FGF12: variants seen among roughly 807,000 people sequenced by gnomAD.
The protein encoded by FGF12 is fibroblast growth factor 12B.
Under a neutral mutation model 23.6 loss-of-function variants are expected in FGF12, and 14 were observed. The observed-to-expected ratio is 0.59, with a 90% confidence interval of 0.39 to 0.93. The LOEUF (loss-of-function observed/expected upper bound fraction) is 0.93, where lower values mean the gene tolerates loss of function less well. Ranked by LOEUF, FGF12 falls within the 40% of genes least tolerant of loss-of-function variation. The probability of loss-of-function intolerance (pLI) is 0.00; values close to 1 mark genes in which losing one functional copy is unlikely to be tolerated. For missense variants in FGF12, 175 were observed against 217.8 expected (o/e 0.80, Z 1.24); for synonymous variants, 62 against 77.3 (o/e 0.80, Z 1.04).
At chr3:192,458,224 C>A (rs1397428383) in intron 2 of FGF12, among the ~76,000 whole-genome samples, 1 of 152,178 alleles carries the variant, frequency 6.6e-6, no homozygotes, top group Non-Finnish European at 1.5e-5. Context: ...GGAGTCCCCA[C>A]ACAGAGTCCC....
intron 2 of FGF12, among the ~76,000 whole-genome samples, chr3:192,650,095 A>G (rs1716162702): frequency 6.6e-6 from 1 of 152,220 alleles, no homozygotes; most frequent in Non-Finnish European, 1.5e-5. Flanking sequence ...AGGAAGAAGA[A>G]CCAAAGAGAG....
chr3:192,480,569 G>A (rs2366676), intron 2 of FGF12, among the ~76,000 whole-genome samples: 38,962 of 152,090 alleles, frequency 0.26, 9,189 homozygotes, highest in African/African-American at 0.63. Context: ...ATAAAAGAGC[G>A]AAGGTATTTT....
chr3:192,487,149 T>A (rs1220280228), intron 2 of FGF12, among the ~76,000 whole-genome samples: 1 of 152,054 alleles, frequency 6.6e-6, no homozygotes, highest in Non-Finnish European at 1.5e-5. Flanking sequence ...TTCTTCCAAA[T>A]CCCCTACTGC....
chr3:192,253,524 T>C (rs1306833992), intron 4 of FGF12, among the ~76,000 whole-genome samples: 1 of 152,006 alleles, frequency 6.6e-6, no homozygotes, highest in Non-Finnish European at 1.5e-5. Flanking sequence ...GAAATGAAGA[T>C]TGAATAAAAA....
In FGF12 at chr3:192,523,434, C is replaced by T. The variant is rs142132579; in HGVS notation, c.14-162896G>A. 1.1e-3 allele frequency among the ~76,000 whole-genome samples: 172 copies of T among 152,276 alleles called. 1 individual carries two copies. The highest frequency in any genetic ancestry group is 3.9e-3 in the African/African-American group (163 of 41,562). Reference sequence around the variant, plus strand: ...AATGGGAAGTCTTACATTTAGGTGACATTGGGAAAAATAGTTACTTCCATG... The same window carrying T: ...AATGGGAAGTCTTACATTTAGGTGATATTGGGAAAAATAGTTACTTCCATG... On this transcript the variant is annotated intron_variant, in intron 2 of 5. Transcript: ENST00000445105.
intron 2 of FGF12, among the ~76,000 whole-genome samples, chr3:192,439,738 AG>A (rs1454054611): frequency 1.3e-5 from 2 of 152,160 alleles, no homozygotes; most frequent in Non-Finnish European, 2.9e-5. Context: ...GCACTTTGGG[AG>A]GCCAAGGTGG....
intron 2 of FGF12, among the ~76,000 whole-genome samples, chr3:192,717,502 A>C (rs370940085): frequency 6.6e-6 from 1 of 152,234 alleles, no homozygotes; most frequent in African/African-American, 2.4e-5. Context: ...GCATGAAAGC[A>C]TGAAGAATAA....
At position 192,262,182 on chromosome 3, in the gene FGF12, C is replaced by T. The variant is rs1712797962; in HGVS notation, c.228+73179G>A. Among the ~76,000 whole-genome samples the T allele has an allele frequency of 6.6e-5, 10 of 152,134 alleles. 1 individual carries two copies. The highest frequency in any genetic ancestry group is 6.6e-4 in the Admixed American group (10 of 15,254). ...GCTGACTCCGTACACATAAATTAAA[C>T]CATTCCAAGTTCCCCACGTGCAGCT... On this transcript the variant is annotated intron_variant, in intron 4 of 5. Coordinates refer to ENST00000445105, the MANE Select transcript of FGF12 (RefSeq NM_004113.6).
chr3:192,371,539 G>A lies in FGF12; in HGVS notation c.14-11001C>T, dbSNP rs370715078. The stretch of plus-strand genomic sequence containing the variant: ...GTGTGCTCTATGACTAGGAAGCCAC[G>A]CTTATATGGTAGATTTAACTTTCAG... On this transcript the variant is annotated intron_variant, in intron 2 of 5. Coordinates refer to ENST00000445105, the MANE Select transcript of FGF12 (RefSeq NM_004113.6). Among the ~76,000 whole-genome samples the A allele has an allele frequency of 1.2e-4, 18 of 152,318 alleles. No homozygotes were observed. In the East Asian group the frequency reaches 1.7e-3, roughly 15 times the overall value.
intron 2 of FGF12, among the ~76,000 whole-genome samples, chr3:192,464,849 A>T (rs1292398629): frequency 6.6e-6 from 1 of 152,000 alleles, no homozygotes; most frequent in African/African-American, 2.4e-5. Context: ...GTGCAGACAC[A>T]CCTCTGAGAG....
At chr3:192,278,936 G>A (rs1480278087) in intron 4 of FGF12, among the ~76,000 whole-genome samples, 1 of 150,544 alleles carries the variant, frequency 6.6e-6, no homozygotes, top group Non-Finnish European at 1.5e-5. Context: ...GGCAGTGGGG[G>A]TGACTAAAAT....
chr3:192,479,222 G>C (rs1453801995), intron 2 of FGF12, among the ~76,000 whole-genome samples: 2 of 152,142 alleles, frequency 1.3e-5, no homozygotes, highest in African/African-American at 4.8e-5. Flanking sequence ...AAGGCCACAG[G>C]AGACTATATC....
chr3:192,346,493 G>A (rs541863199), intron 3 of FGF12, among the ~76,000 whole-genome samples: 1 of 152,222 alleles, frequency 6.6e-6, no homozygotes, highest in East Asian at 1.9e-4. Context: ...GAAATCTGGT[G>A]ATTCTTCTAA....
intron 4 of FGF12, among the ~76,000 whole-genome samples, chr3:192,189,576 C>T (rs956713663): frequency 1.3e-5 from 2 of 152,104 alleles, no homozygotes; most frequent in Non-Finnish European, 2.9e-5. Flanking sequence ...TTAGAGTGGG[C>T]TCTTTCCAAG....
chr3:192,627,082 T>C (rs943921804), intron 2 of FGF12, among the ~76,000 whole-genome samples: 1 of 152,198 alleles, frequency 6.6e-6, no homozygotes, highest in Non-Finnish European at 1.5e-5. Context: ...TATAATCATT[T>C]AATTAAAAAA....
chr3:192,580,587 GATTT>G (rs1158827224), intron 2 of FGF12, among the ~76,000 whole-genome samples: 2 of 152,104 alleles, frequency 1.3e-5, no homozygotes, highest in African/African-American at 4.8e-5. Context: ...TCAATAAAGA[GATTT>G]TTTTGTTGTT....
At chr3:192,161,111 G>A (rs540544728) in intron 5 of FGF12, among the ~76,000 whole-genome samples, 11 of 152,164 alleles carry the variant, frequency 7.2e-5, no homozygotes, top group African/African-American at 2.6e-4. Flanking sequence ...AGTCTAGAAA[G>A]GAAAGAGATT....
chr3:192,193,471 T>C (rs1043258357), intron 4 of FGF12, among the ~76,000 whole-genome samples: 17 of 152,202 alleles, frequency 1.1e-4, no homozygotes, highest in African/African-American at 3.4e-4. Flanking sequence ...CAAGTTTCTT[T>C]TCCTTTTAAG....
At chr3:192,676,319 A>G (rs893982098) in intron 2 of FGF12, among the ~76,000 whole-genome samples, 5 of 152,192 alleles carry the variant, frequency 3.3e-5, no homozygotes, top group African/African-American at 7.2e-5. Context: ...GCAGAGTCCT[A>G]GGAGCATAGA....
Sources: gnomAD v4.1 joint callset for allele counts (sites outside exome capture counted in the v4.1 genomes callset) on GRCh38, gnomAD v4.1.1 for gene constraint, MANE v1.5 for transcripts, NCBI Gene and HGNC (gene_info 2026-07-23, HGNC 2026-07-21) for gene names.